Variants in DTD1 observed in about 807,000 individuals in gnomAD.
DTD1 encodes the protein D-tyrosyl-tRNA deacylase 1 homolog.
DTD1 carries 13 observed loss-of-function variants against 25.6 expected under a neutral mutation model. The ratio of observed to expected loss-of-function variants is 0.51; its 90% CI spans 0.33 to 0.81. The LOEUF is 0.81. Ranked by LOEUF, DTD1 falls within the 30% of genes least tolerant of loss-of-function variation. The probability of loss-of-function intolerance (pLI) is 0.02; values close to 1 mark genes in which losing one functional copy is unlikely to be tolerated. For missense variants in DTD1, 193 were observed against 266.4 expected, an observed-to-expected ratio of 0.72 and a Z score of 1.92; for synonymous variants, 110 against 103.6, an observed-to-expected ratio of 1.06 and a Z score of -0.37.
intron 4 of DTD1, among the ~76,000 whole-genome samples, chr20:18,711,591 A>C (rs1292463361): frequency 6.6e-6 from 1 of 152,074 alleles, no homozygotes; most frequent in Admixed American, 6.5e-5. Flanking sequence ...ACAGAAGCAG[A>C]AGTGTCAGGA....
At chr20:18,756,216 A>G (rs1391470938) in intron 5 of DTD1, among the ~76,000 whole-genome samples, 1 of 152,168 alleles carries the variant, frequency 6.6e-6, no homozygotes, top group African/African-American at 2.4e-5. Flanking sequence ...CCCACTTTGT[A>G]GGTTGCCTGT....
At chr20:18,620,281 C>T (rs1224873054) in intron 3 of DTD1, among the ~76,000 whole-genome samples, 1 of 152,174 alleles carries the variant, frequency 6.6e-6, no homozygotes, top group Non-Finnish European at 1.5e-5. Flanking sequence ...CTCTGGGTCC[C>T]CGTATTGGAC....
At chr20:18,741,905 T>G (rs56716583) in intron 4 of DTD1, among the ~76,000 whole-genome samples, 19,643 of 74,838 alleles carry the variant, frequency 0.26, 1,430 homozygotes, top group Admixed American at 0.32. Flanking sequence ...GTATTTTTTT[T>G]TTTTTTTTTT....
At chr20:18,623,437 T>C (rs552549760) in intron 3 of DTD1, among the ~76,000 whole-genome samples, 1 of 152,314 alleles carries the variant, frequency 6.6e-6, no homozygotes, top group African/African-American at 2.4e-5. Context: ...GTGATTTATT[T>C]GGTTTCTTTT....
At chr20:18,620,147 GT>G (rs2060727814) in intron 3 of DTD1, 1 of 152,132 alleles carries the variant, frequency 6.6e-6, no homozygotes, top group African/African-American at 2.4e-5. Flanking sequence ...GTCCTTTAGA[GT>G]TTTTCCTAGC....
intron 4 of DTD1, among the ~76,000 whole-genome samples, chr20:18,653,180 T>C (rs909155742): frequency 1.3e-5 from 2 of 152,156 alleles, no homozygotes; most frequent in African/African-American, 4.8e-5. Context: ...GGTGGGCATA[T>C]TGCTTGAGCC....
chr20:18,608,926 A>G (rs1659646696), intron 3 of DTD1, among the ~76,000 whole-genome samples: 1 of 152,192 alleles, frequency 6.6e-6, no homozygotes, highest in Admixed American at 6.5e-5. Flanking sequence ...TGCACTAAAT[A>G]TCATCATATT....
chr20:18,644,973 C>A (rs2060845056), intron 4 of DTD1, among the ~76,000 whole-genome samples: 1 of 152,070 alleles, frequency 6.6e-6, no homozygotes, highest in African/African-American at 2.4e-5. Flanking sequence ...TAGCAAGACT[C>A]CATCTCTACA....
chr20:18,689,157 T>C (rs1334136001), intron 4 of DTD1, among the ~76,000 whole-genome samples: 1 of 152,132 alleles, frequency 6.6e-6, no homozygotes, highest in East Asian at 1.9e-4. Context: ...GCTGGTTCTA[T>C]TTTAGGCTTG....
At chr20:18,732,619 C>T (rs971410417) in intron 4 of DTD1, among the ~76,000 whole-genome samples, 2 of 152,174 alleles carry the variant, frequency 1.3e-5, no homozygotes, top group Non-Finnish European at 2.9e-5. Flanking sequence ...GAAGCAAAGG[C>T]GACTTCAGCA....
chr20:18,660,176 C>T (rs144090115), intron 4 of DTD1, among the ~76,000 whole-genome samples: 1,751 of 152,212 alleles, frequency 0.012, 30 homozygotes, highest in African/African-American at 0.039. Context: ...CACTGCACTC[C>T]AGCCTGGGAG....
chr20:18,674,658 A>C (rs1302102956), intron 4 of DTD1: 1 of 152,328 alleles, frequency 6.6e-6, no homozygotes, highest in African/African-American at 2.4e-5. Flanking sequence ...CTGCTGCCCC[A>C]GTTAGTGCTC....
At chr20:18,610,876 C>T (rs2060683982) in intron 3 of DTD1, among the ~76,000 whole-genome samples, 1 of 77,348 alleles carries the variant, frequency 1.3e-5, no homozygotes, top group Admixed American at 1.2e-4. Context: ...GGTGCTGCTG[C>T]ACTCCAGCCT....
At chr20:18,619,002 C>T (rs1020362671) in intron 3 of DTD1, among the ~76,000 whole-genome samples, 4 of 152,028 alleles carry the variant, frequency 2.6e-5, no homozygotes, top group African/African-American at 4.8e-5. Context: ...CGTGAGTCAC[C>T]GTGCCTGGCT....
intron 3 of DTD1, among the ~76,000 whole-genome samples, chr20:18,622,641 A>G (rs1448524603): frequency 6.6e-6 from 1 of 152,320 alleles, no homozygotes; most frequent in Non-Finnish European, 1.5e-5. Context: ...TTGCATCTGT[A>G]TTCAAAGGAG....
At chr20:18,757,371 C>T (rs2122538273) in intron 5 of DTD1, among the ~76,000 whole-genome samples, 1 of 152,242 alleles carries the variant, frequency 6.6e-6, no homozygotes, top group Middle Eastern at 3.4e-3. Context: ...GGAGTGCTTC[C>T]AGTTTTTGCC....
intron 4 of DTD1, among the ~76,000 whole-genome samples, chr20:18,667,397 G>A (rs890114897): frequency 1.1e-4 from 16 of 152,140 alleles, no homozygotes; most frequent in African/African-American, 3.9e-4. Flanking sequence ...TTGTCTAAGC[G>A]GCCCTGACGA....
At chr20:18,681,133 A>G (rs1350776825) in intron 4 of DTD1, among the ~76,000 whole-genome samples, 5 of 152,068 alleles carry the variant, frequency 3.3e-5, no homozygotes, top group Admixed American at 3.3e-4. Context: ...GGAGCTTTTT[A>G]TCTGAGTTAG....
chr20:18,711,080 C>T (rs1239307652), intron 4 of DTD1, among the ~76,000 whole-genome samples: 4 of 152,178 alleles, frequency 2.6e-5, no homozygotes, highest in Admixed American at 1.3e-4. Context: ...ACTAATTCTT[C>T]CCACTACTGC....
Sources: gnomAD v4.1 joint callset for allele counts (sites outside exome capture counted in the v4.1 genomes callset) on GRCh38, gnomAD v4.1.1 for gene constraint, MANE v1.5 for transcripts, NCBI Gene and HGNC (gene_info 2026-07-23, HGNC 2026-07-21) for gene names.